The following CNTNAP2 variants were observed in gnomAD, a reference collection of about 807,000 sequenced individuals.
CNTNAP2 encodes the protein contactin associated protein 2, also known as contactin-associated protein-like 2.
Under a neutral mutation model 155.2 loss-of-function variants are expected in CNTNAP2, and 98 were observed. The observed-to-expected ratio is 0.63, with a 90% CI of 0.54 to 0.75. The LOEUF (loss-of-function observed/expected upper bound fraction) is 0.75. Ranked by LOEUF, CNTNAP2 falls within the 30% of genes least tolerant of loss-of-function variation. CNTNAP2 has a pLI of 0.00. For missense variants in CNTNAP2, 1,727 were observed against 1,688.1 expected (o/e 1.02, Z -0.40); for synonymous variants, 651 against 631.2 (o/e 1.03, Z -0.47).
intron 1 of CNTNAP2, among the ~76,000 whole-genome samples, chr7:146,392,511 C>T (rs188296140): frequency 3.5e-4 from 53 of 152,172 alleles, no homozygotes; most frequent in Admixed American, 2.6e-3. Flanking sequence ...TTCTCTTTTT[C>T]GGTTGAAAGC....
intron 18 of CNTNAP2, among the ~76,000 whole-genome samples, chr7:148,204,858 G>T (rs1227293443): frequency 1.3e-5 from 2 of 152,188 alleles, no homozygotes; most frequent in East Asian, 3.8e-4. Flanking sequence ...GATTAGCTGG[G>T]TGTCCTTGAG....
At chr7:146,589,061 CCTTAAACATTT>C (rs1236554368) in intron 1 of CNTNAP2, among the ~76,000 whole-genome samples, 2 of 152,170 alleles carry the variant, frequency 1.3e-5, no homozygotes, top group African/African-American at 4.8e-5. Context: ...CAGAACATTT[CCTTAAACATTT>C]CTTGTTACTT....
At chr7:147,035,625 G>A (rs1799139580) in intron 3 of CNTNAP2, among the ~76,000 whole-genome samples, 1 of 152,158 alleles carries the variant, frequency 6.6e-6, no homozygotes, top group Admixed American at 6.5e-5. Flanking sequence ...GAGACCTGTT[G>A]TCAGTAGCGA....
intron 13 of CNTNAP2, among the ~76,000 whole-genome samples, chr7:147,654,812 T>C (rs1344185662): frequency 7.6e-6 from 1 of 131,176 alleles, no homozygotes; most frequent in South Asian, 2.6e-4. Flanking sequence ...ATATTTCTTT[T>C]TTTTTTTTTT....
chr7:148,034,939 C>T (rs1160990198), intron 15 of CNTNAP2, among the ~76,000 whole-genome samples: 2 of 152,176 alleles, frequency 1.3e-5, no homozygotes, highest in Non-Finnish European at 2.9e-5. Flanking sequence ...AAAGGCCATT[C>T]TTGTTATAAA....
intron 1 of CNTNAP2, among the ~76,000 whole-genome samples, chr7:146,257,193 A>C (rs961685862): frequency 2.0e-5 from 3 of 152,180 alleles, no homozygotes; most frequent in African/African-American, 7.2e-5. Flanking sequence ...AAGTCTACCT[A>C]ATTTCATGAA....
intron 3 of CNTNAP2, among the ~76,000 whole-genome samples, chr7:146,917,500 C>A (rs995298812): frequency 6.6e-6 from 1 of 152,048 alleles, no homozygotes; most frequent in Non-Finnish European, 1.5e-5. Flanking sequence ...GTGTTAGGTG[C>A]ATGTATACTT....
chr7:147,909,646 C>A (rs78049054), intron 14 of CNTNAP2, among the ~76,000 whole-genome samples: 1 of 152,180 alleles, frequency 6.6e-6, no homozygotes. Flanking sequence ...TCTAATTACA[C>A]GAGTCTTGGT....
chr7:147,119,297 C>T (rs749560336), intron 5 of CNTNAP2, among the ~76,000 whole-genome samples: 14 of 152,070 alleles, frequency 9.2e-5, no homozygotes, highest in Non-Finnish European at 1.8e-4. Context: ...AAGTAACTGA[C>T]TTTGTGACCT....
chr7:148,120,161 A>G (rs1443946863), intron 16 of CNTNAP2, among the ~76,000 whole-genome samples: 2 of 148,836 alleles, frequency 1.3e-5, no homozygotes, highest in Non-Finnish European at 3.0e-5. Context: ...TATGTCCTCA[A>G]GTTTTGTAAA....
intron 10 of CNTNAP2, among the ~76,000 whole-genome samples, chr7:147,422,463 T>C (rs1396749390): frequency 6.6e-6 from 1 of 152,004 alleles, no homozygotes; most frequent in East Asian, 1.9e-4. Context: ...TAAATTCCCT[T>C]ATGCAATTTT....
At chr7:148,145,072 A>T (rs1805150406) in intron 16 of CNTNAP2, among the ~76,000 whole-genome samples, 1 of 152,170 alleles carries the variant, frequency 6.6e-6, no homozygotes, top group Non-Finnish European at 1.5e-5. Context: ...CTTGGCTCTC[A>T]CAGTGGGTCT....
rs560982797 is a variant in CNTNAP2, at chr7:148,305,830, G to C, written c.3475+38704G>C. On this transcript the variant is annotated intron_variant, in intron 21 of 23. Transcript: ENST00000361727. ...GATTACAATTCAAGGTGAGATTTGC[G>C]GGGGGGACACAGAGCCAAGCCGTAT... 1.6e-4 allele frequency among the ~76,000 whole-genome samples: 25 copies of C among 152,086 alleles called. 1 individual carries two copies. The East Asian group carries it at 2.1e-3, about 13-fold the overall frequency.
chr7:146,601,776 A>G (rs905213645), intron 1 of CNTNAP2, among the ~76,000 whole-genome samples: 1 of 152,084 alleles, frequency 6.6e-6, no homozygotes, highest in African/African-American at 2.4e-5. Context: ...AATATGTGCA[A>G]ATACATAGGA....
At chr7:146,364,799 A>AAAGGTT (rs1301116190) in intron 1 of CNTNAP2, among the ~76,000 whole-genome samples, 28 of 152,316 alleles carry the variant, frequency 1.8e-4, no homozygotes, top group Non-Finnish European at 3.2e-4. Context: ...TTTGGAAGAC[A>AAAGGTT]CATACACTAC....
chr7:146,350,998 G>T (rs1298026811), intron 1 of CNTNAP2, among the ~76,000 whole-genome samples: 1 of 137,040 alleles, frequency 7.3e-6, no homozygotes, highest in African/African-American at 2.8e-5. Context: ...ATGAACACAG[G>T]AAGGGGAGCA....
intron 18 of CNTNAP2, among the ~76,000 whole-genome samples, chr7:148,184,863 A>C (rs1795092077): frequency 6.6e-6 from 1 of 152,242 alleles, no homozygotes; most frequent in African/African-American, 2.4e-5. Flanking sequence ...ATTATTCACA[A>C]GGCTGTGAGG....
intron 1 of CNTNAP2, among the ~76,000 whole-genome samples, chr7:146,426,213 A>G (rs1433309153): frequency 1.3e-5 from 2 of 148,664 alleles, no homozygotes; most frequent in African/African-American, 5.0e-5. Flanking sequence ...AAAAAAAATT[A>G]AAACTTAAGG....
At chr7:147,525,998 G>C (rs1021672137) in intron 11 of CNTNAP2, among the ~76,000 whole-genome samples, 5 of 151,904 alleles carry the variant, frequency 3.3e-5, no homozygotes. Flanking sequence ...TTTGACACCA[G>C]CCTGTCCAAC....
Sources: allele counts gnomAD v4.1 joint callset (sites outside exome capture counted in the v4.1 genomes callset), GRCh38; gene constraint gnomAD v4.1.1; transcripts MANE v1.5; gene names NCBI Gene and HGNC (gene_info 2026-07-23, HGNC 2026-07-21).